The following CD99L2 variants were observed in gnomAD, a reference collection of about 807,000 sequenced individuals.
The protein encoded by CD99L2 is CD99 antigen-like protein 2.
A neutral mutation model predicts 27.3 loss-of-function variants in CD99L2; 24 were observed. The ratio of observed to expected loss-of-function variants is 0.88; its 90% CI spans 0.64 to 1.24. The LOEUF (loss-of-function observed/expected upper bound fraction) is 1.24, where lower values mean the gene tolerates loss of function less well. Ranked by LOEUF, CD99L2 falls within the 50% of genes most tolerant of loss-of-function variation. The pLI, the probability that CD99L2 is intolerant of heterozygous loss-of-function variation, is 0.00. For missense variants in CD99L2, 255 were observed against 221.6 expected (o/e 1.15, Z -0.96); for synonymous variants, 97 against 87.9 (o/e 1.10, Z -0.58).
chrX:150,848,556 TAAA>T (rs55999462), intron 1 of CD99L2, among the ~76,000 whole-genome samples: 7 of 93,750 alleles, frequency 7.5e-5, no homozygotes, highest in Admixed American at 1.2e-4. Context: ...TTCCACAATT[TAAA>T]AAAAAAAAAA....
chrX:150,814,813 TA>T (rs1557420423), intron 4 of CD99L2, 48 bp downstream of exon 4: 1 of 1,092,296 alleles, frequency 9.2e-7, no homozygotes, highest in Non-Finnish European at 1.3e-6. Context: ...GTTGATGTTG[TA>T]ATTAATGAGA....
At chrX:150,807,242 G>A (rs1230019713) in intron 4 of CD99L2, among the ~76,000 whole-genome samples, 1 of 110,994 alleles carries the variant, frequency 9.0e-6, no homozygotes, top group Non-Finnish European at 1.9e-5. Context: ...CAGACCAGCA[G>A]GCACTATATA....
At chrX:150,819,380 C>T (rs2046212803) in intron 2 of CD99L2, 2 of 145,133 alleles carry the variant, frequency 1.4e-5, no homozygotes, top group Admixed American at 1.5e-4. Flanking sequence ...TCCATATTTT[C>T]CTTATTCCCT....
In CD99L2 at chrX:150,770,380, A is replaced by G. The variant is rs1557419000; in HGVS notation, c.656-11T>C. ...CTGCGTTGAGACCCTCTGCAAAGGGAAAAGGGCAGAGTTAGTGATGCGCAC... is the reference window on the plus strand; with the variant it reads ...CTGCGTTGAGACCCTCTGCAAAGGGGAAAGGGCAGAGTTAGTGATGCGCAC... On this transcript the variant is annotated splice_polypyrimidine_tract_variant and intron_variant, in intron 9 of 10. Coordinates refer to ENST00000370377, the MANE Select transcript of CD99L2 (RefSeq NM_031462.4). 8.3e-7 allele frequency: 1 copy of G among 1,206,392 alleles called. No homozygotes were observed. The highest frequency in any genetic ancestry group is 1.8e-5 in the South Asian group (1 of 56,773).
chrX:150,887,370 C>T (rs1336253543), intron 1 of CD99L2, among the ~76,000 whole-genome samples: 4 of 109,295 alleles, frequency 3.7e-5, no homozygotes, highest in Non-Finnish European at 7.6e-5. Context: ...TGCTTGAGCC[C>T]GGGAGGCGGA....
At chrX:150,798,738 T>C (rs1557420005) in intron 4 of CD99L2, among the ~76,000 whole-genome samples, 1 of 112,469 alleles carries the variant, frequency 8.9e-6, no homozygotes, top group Non-Finnish European at 1.9e-5. Flanking sequence ...TAAATTGATC[T>C]TCATCAAAAT....
chrX:150,816,033 G>A lies in CD99L2; in HGVS notation c.176C>T (p.Thr59Ile), dbSNP rs1420556310. 4 of 1,209,590 alleles carry A rather than the reference G, an allele frequency of 3.3e-6. No homozygotes were observed. In the African/African-American group the frequency reaches 7.0e-5, roughly 21 times the overall value. The change falls in exon 3 of 11, where the codon ACC (threonine) becomes ATC (isoleucine). Residue 59 changes from threonine to isoleucine, a missense_variant. Physicochemically the swap from Thr to Ile is moderately conservative, Grantham distance 89. Transcript: ENST00000370377. ...TGGAGGTTTTGCCGGAGCTCTGGTGGTTCCTGGCCTATTGGTTGTGGTGGT... is the reference window on the plus strand; with the variant it reads ...TGGAGGTTTTGCCGGAGCTCTGGTGATTCCTGGCCTATTGGTTGTGGTGGT... ...TTTTTTNRPG[T>I]TRAPAKPPGS...
intron 1 of CD99L2, among the ~76,000 whole-genome samples, chrX:150,884,048 C>A (rs1399659931): frequency 9.0e-6 from 1 of 111,569 alleles, no homozygotes; most frequent in Non-Finnish European, 1.9e-5. Flanking sequence ...CAGTTTAGTA[C>A]CACCTCATAA....
chrX:150,783,456 T>C (rs1337808406), intron 7 of CD99L2, among the ~76,000 whole-genome samples: 2 of 111,081 alleles, frequency 1.8e-5, no homozygotes, highest in Admixed American at 1.9e-4. Flanking sequence ...CTTGGGGACA[T>C]CTCCAGATAG....
At chrX:150,795,593 T>C in intron 4 of CD99L2, 107 bp from the exon 5 acceptor site, 1 of 777,149 alleles carries the variant, frequency 1.3e-6, no homozygotes, top group South Asian at 2.4e-5. Flanking sequence ...TCTTGGTCCT[T>C]GAGGCTCCTA....
chrX:150,834,175 T>C (rs1474796050), intron 1 of CD99L2, among the ~76,000 whole-genome samples: 1 of 111,851 alleles, frequency 8.9e-6, no homozygotes, highest in Non-Finnish European at 1.9e-5. Flanking sequence ...TCAATATCTC[T>C]AATCATCAGG....
chrX:150,820,596 C>T (rs1557420640), intron 2 of CD99L2, among the ~76,000 whole-genome samples: 2 of 111,779 alleles, frequency 1.8e-5, no homozygotes, highest in Non-Finnish European at 3.8e-5. Flanking sequence ...AAGCTTTTTT[C>T]CTAGAATCAG....
intron 1 of CD99L2, among the ~76,000 whole-genome samples, chrX:150,878,344 A>C (rs988860173): frequency 1.8e-5 from 2 of 110,220 alleles, no homozygotes; most frequent in Admixed American, 9.7e-5. Flanking sequence ...GTCTAAAAAA[A>C]AAAAAAGGGA....
intron 2 of CD99L2, among the ~76,000 whole-genome samples, chrX:150,822,678 T>C (rs2046259310): frequency 8.9e-6 from 1 of 112,524 alleles, no homozygotes; most frequent in Non-Finnish European, 1.9e-5. Flanking sequence ...AAATGATGGA[T>C]ATATTAACTT....
Position 150,898,630 on chromosome X carries a change from G to A in CD99L2, c.-42C>T, listed in dbSNP as rs782789462. On this transcript the variant is annotated 5_prime_UTR_variant, in exon 1 of 11. Coordinates refer to ENST00000370377, the MANE Select transcript of CD99L2 (RefSeq NM_031462.4). Reference sequence around the variant, plus strand: ...AGGGCCCCGGAGGAGCACAGTTAGCGCGAGAGCGCCCGAAGGGGAGGCCGA... The same window carrying A: ...AGGGCCCCGGAGGAGCACAGTTAGCACGAGAGCGCCCGAAGGGGAGGCCGA... 2 of 1,060,179 alleles carry A rather than the reference G, an allele frequency of 1.9e-6. No homozygotes were observed. The highest frequency in any genetic ancestry group is 4.1e-5 in the East Asian group (1 of 24,237). The allele number at this position is 1,060,179 out of a possible 1,213,427, so 87.4% of individuals were successfully genotyped here. A position where few individuals can be genotyped will look rare whatever the true frequency, so the allele number is the denominator to read the frequency against.
intron 1 of CD99L2, among the ~76,000 whole-genome samples, chrX:150,879,828 G>A (rs1305160931): frequency 1.0e-5 from 1 of 97,353 alleles, no homozygotes; most frequent in East Asian, 3.2e-4. Flanking sequence ...AGGAGGCTAA[G>A]GTGGGAAGAT....
At chrX:150,815,979 A>C (rs782096419) in intron 3 of CD99L2, 28 bp downstream of exon 3, 11 of 1,202,831 alleles carry the variant, frequency 9.1e-6, no homozygotes, top group Admixed American at 2.2e-5. Context: ...GCCCTTCCTC[A>C]CTGCCCTCCT....
intron 1 of CD99L2, among the ~76,000 whole-genome samples, chrX:150,845,159 A>C (rs2046683491): frequency 8.9e-6 from 1 of 112,005 alleles, no homozygotes; most frequent in Middle Eastern, 4.6e-3. Flanking sequence ...AGGAAATCCC[A>C]AATGTGCCTC....
At chrX:150,887,562 C>T (rs1413528429) in intron 1 of CD99L2, among the ~76,000 whole-genome samples, 3 of 108,683 alleles carry the variant, frequency 2.8e-5, no homozygotes, top group Non-Finnish European at 5.8e-5. Context: ...GCTGCCCCAC[C>T]TTGAGGGTTA....
Sources: gnomAD v4.1 joint callset for allele counts (sites outside exome capture counted in the v4.1 genomes callset) on GRCh38, gnomAD v4.1.1 for gene constraint, MANE v1.5 for transcripts, NCBI Gene and HGNC (gene_info 2026-07-23, HGNC 2026-07-21) for gene names.